The following SMUG1 variants were observed in gnomAD, a reference collection of about 807,000 sequenced individuals.
SMUG1 encodes the protein single-strand selective monofunctional uracil DNA glycosylase.
SMUG1 carries 13 observed loss-of-function variants against 23.9 expected under a neutral mutation model. The ratio of observed to expected loss-of-function variants is 0.54; its 90% CI spans 0.35 to 0.86. The LOEUF is 0.86. Among genes scored for constraint, SMUG1 ranks in the 40% least tolerant of loss-of-function variants. SMUG1 has a pLI of 0.01. For synonymous variants in SMUG1, 133 were observed against 139.8 expected, an observed-to-expected ratio of 0.95 and a Z score of 0.34; for missense variants, 313 against 339.5, an observed-to-expected ratio of 0.92 and a Z score of 0.61.
In SMUG1 at chr12:54,182,153, C is replaced by A; in HGVS notation, c.756G>T (p.Glu252Asp). The change falls in exon 4 of 4, where the codon GAG (glutamate) becomes GAT (aspartate). Residue 252 changes from glutamate (E) to aspartate (D), a missense_variant. Coordinates refer to ENST00000682136, the MANE Select transcript of SMUG1 (RefSeq NM_001243787.2). ...CATTCAATCTTTCCTTGGCCACTGC[C>A]TCCCAGCCCTTGTTGGCCTGTGGGT... ...PRNPQANKGW[E>D]AVAKERLNEL... 1 of 1,590,918 alleles carries A rather than the reference C, an allele frequency of 6.3e-7. No individual in the cohort carries two copies. Among genetic ancestry groups the A allele is most frequent in the South Asian group, 1.1e-5 (1 of 87,596 alleles).
At chr12:54,168,118 T>G (rs567361385) in intron 3 of SMUG1, among the ~76,000 whole-genome samples, 1 of 152,270 alleles carries the variant, frequency 6.6e-6, no homozygotes, top group Admixed American at 6.5e-5. Context: ...AGAGAGATGC[T>G]GTTGTGAGAG....
rs186896912 is a variant in SMUG1 at position 54,182,616 on chromosome 12, A to G, written c.293T>C (p.Phe98Ser). The G allele has an allele frequency of 1.9e-6, 3 of 1,607,618 alleles. No individual in the cohort carries two copies. Among genetic ancestry groups the G allele is most frequent in the Non-Finnish European group, 2.6e-6 (3 of 1,176,292 alleles). ...PFGMAQTGVP[F>S]GEVSMVRDWL... Reference sequence around the variant, plus strand: ...GTCCCGGACCATGCTTACTTCCCCAAAGGGCACCTGTGAGGAAGGAGAGAG... The same window carrying G: ...GTCCCGGACCATGCTTACTTCCCCAGAGGGCACCTGTGAGGAAGGAGAGAG... Residue 98 changes from phenylalanine to serine, a missense_variant, in exon 4 of 4, where the codon TTT becomes TCT. Coordinates refer to ENST00000682136, the MANE Select transcript of SMUG1 (RefSeq NM_001243787.2).
Position 54,182,433 on chromosome 12 carries a change from C to T in SMUG1, c.476G>A (p.Cys159Tyr). Residue 159 changes from cysteine (C) to tyrosine (Y), a missense_variant, in exon 4 of 4, where the codon TGT becomes TAT. Transcript: ENST00000682136. ...CAGAGGGCATAGATTGTGGACAAAA[C>T]AGTGATGGAAGAAGACCTCAGGCTG... ...CGQPEVFFHH[C>Y]FVHNLCPLLF... is the part of the protein sequence containing the mutation. The T allele has an allele frequency of 6.2e-7, 1 of 1,614,168 alleles. No homozygotes were observed. Among genetic ancestry groups the T allele is most frequent in the Non-Finnish European group, 8.5e-7 (1 of 1,180,046 alleles).
chr12:54,170,742 G>A (rs1940594652), intron 3 of SMUG1, among the ~76,000 whole-genome samples: 1 of 152,078 alleles, frequency 6.6e-6, no homozygotes, highest in Non-Finnish European at 1.5e-5. Context: ...GACTACAGGT[G>A]CGTGCCACCA....
intron 2 of SMUG1, among the ~76,000 whole-genome samples, chr12:54,174,800 A>G (rs1940713409): frequency 6.6e-6 from 1 of 152,248 alleles, no homozygotes; most frequent in Non-Finnish European, 1.5e-5. Flanking sequence ...GGGCAGAAGA[A>G]TGGACAAGAT....
chr12:54,167,058 A>G (rs1940490608), intron 3 of SMUG1, among the ~76,000 whole-genome samples: 1 of 152,158 alleles, frequency 6.6e-6, no homozygotes, highest in South Asian at 2.1e-4. Flanking sequence ...CCCCGCTCCA[A>G]GGTCAGGAGA....
At chr12:54,176,915 C>T (rs1940774630), downstream of SMUG1, among the ~76,000 whole-genome samples, 2 of 151,970 alleles carry the variant, frequency 1.3e-5, no homozygotes, top group African/African-American at 4.8e-5. Flanking sequence ...ACCCCAAGCA[C>T]ACCCTTGGTC....
Position 54,181,574 on chromosome 12 carries a change from T to C in SMUG1, c.*522A>G. ...GACTTGCACTCTGTCACACTGGATTTTTCCTCTGATCCAGCTGCAGCCTCC... is the reference window on the plus strand; with the variant it reads ...GACTTGCACTCTGTCACACTGGATTCTTCCTCTGATCCAGCTGCAGCCTCC... On this transcript the variant is annotated 3_prime_UTR_variant, in exon 4 of 4. Transcript: ENST00000682136. 1 of 1,559,546 alleles carries C rather than the reference T, an allele frequency of 6.4e-7. No homozygotes were observed. The highest frequency in any genetic ancestry group is 8.6e-7 in the Non-Finnish European group (1 of 1,159,134).
chr12:54,161,802 C>A (rs1486524939), downstream of SMUG1, among the ~76,000 whole-genome samples: 1 of 152,344 alleles, frequency 6.6e-6, no homozygotes, highest in South Asian at 2.1e-4. The surrounding 1 kb of genome is among the most constrained non-coding windows in gnomAD (Gnocchi z 4.2). Context: ...GGCAGAAAGT[C>A]CCCTGTCAGC....
In SMUG1 at chr12:54,171,458, A is replaced by G. The variant is rs1049531258; in HGVS notation, c.*52+567T>C. Among the ~76,000 whole-genome samples, 3 of 151,070 alleles carry G rather than the reference A, an allele frequency of 2.0e-5. No homozygotes were observed. The South Asian group carries it at 6.3e-4, about 32-fold the overall frequency. On this transcript the variant is annotated intron_variant and NMD_transcript_variant, in intron 3 of 4. Coordinates refer to the SMUG1 transcript ENST00000509864. Reference sequence around the variant, plus strand: ...TGTAATCCCAGCACTTTGGGAGGCCAAGGTGGGCAGATCACGAGGTCAGGA... The same window carrying G: ...TGTAATCCCAGCACTTTGGGAGGCCGAGGTGGGCAGATCACGAGGTCAGGA...
At chr12:54,171,872 G>A (rs112009735) in intron 3 of SMUG1, among the ~76,000 whole-genome samples, 2 of 151,782 alleles carry the variant, frequency 1.3e-5, no homozygotes, top group Admixed American at 1.3e-4. Context: ...GTGGTCACTC[G>A]GGCCAAAAAA....
intron 2 of SMUG1, chr12:54,184,236 C>T (rs963416759): frequency 3.2e-6 from 1 of 312,302 alleles, no homozygotes. Flanking sequence ...AATCTCCTTT[C>T]CATCAGGCAT....
At chr12:54,171,686 C>CAAAAAAA (rs55830557) in intron 3 of SMUG1, among the ~76,000 whole-genome samples, 1 of 69,052 alleles carries the variant, frequency 1.4e-5, no homozygotes, top group Non-Finnish European at 2.6e-5. Context: ...AGTCTTGTCT[C>CAAAAAAA]AAAAAAAAAA....
At chr12:54,172,362 C>T in intron 2 of SMUG1, 1 of 258,342 alleles carries the variant, frequency 3.9e-6, no homozygotes, top group South Asian at 4.0e-5. Context: ...TTCTCTTAGC[C>T]GGGAAACTCT....
At chr12:54,186,205 A>C (rs1375761936) in intron 2 of SMUG1, among the ~76,000 whole-genome samples, 1 of 152,200 alleles carries the variant, frequency 6.6e-6, no homozygotes, top group Non-Finnish European at 1.5e-5. Context: ...CCCATCCTTC[A>C]AAATGCAGCT....
intron 3 of SMUG1, among the ~76,000 whole-genome samples, chr12:54,167,305 C>G (rs567585241): frequency 4.6e-5 from 7 of 152,172 alleles, no homozygotes; most frequent in Non-Finnish European, 8.8e-5. Context: ...GGAGTTAGGA[C>G]AGAAGCTCAT....
Position 54,180,745 on chromosome 12 carries a change from T to C in SMUG1, c.*1351A>G, listed in dbSNP as rs1050566328. 3 of 152,218 alleles carry C rather than the reference T, an allele frequency of 2.0e-5. No homozygotes were observed. Among genetic ancestry groups the C allele is most frequent in the African/African-American group, 7.2e-5 (3 of 41,432 alleles). The allele number at this position is 152,218 out of a possible 1,614,324, so 9.4% of individuals were successfully genotyped here. On this transcript the variant is annotated 3_prime_UTR_variant, in exon 4 of 4. Transcript: ENST00000682136. ...TACATCCAGCCAGGCAGCAGCACTT[T>C]GGGAGGCCAAGACAGGTGGATTACT...
rs1942025481 is a variant in SMUG1 at position 54,185,088 on chromosome 12, C to G, written c.-19-1129G>C. ...CTTTAGGAGGCTGAGGTGGGCAGAT[C>G]ACCTGAGGTCGGGAGTTCGAGACCA... On this transcript the variant is annotated intron_variant, in intron 2 of 3. Coordinates refer to ENST00000682136, the MANE Select transcript of SMUG1 (RefSeq NM_001243787.2). Among the ~76,000 whole-genome samples the G allele has an allele frequency of 2.0e-5, 3 of 152,098 alleles. No individual in the cohort carries two copies. The South Asian group carries it at 6.2e-4, about 32-fold the overall frequency.
Position 54,182,004 on chromosome 12 carries a change from T to C in SMUG1, c.*92A>G. 1 of 1,507,834 alleles carries C rather than the reference T, an allele frequency of 6.6e-7. No homozygotes were observed. Among genetic ancestry groups the C allele is most frequent in the Non-Finnish European group, 8.8e-7 (1 of 1,130,390 alleles). The allele number at this position is 1,507,834 out of a possible 1,614,324, so 93.4% of individuals were successfully genotyped here. A position where few individuals can be genotyped will look rare whatever the true frequency, so the allele number is the denominator to read the frequency against. The stretch of plus-strand genomic sequence containing the variant: ...AGCGACCAGGGTGCACAGAAGGACC[T>C]TTTGCTCCAGTCCAGGAGATGTGTT... On this transcript the variant is annotated 3_prime_UTR_variant, in exon 4 of 4. Coordinates refer to ENST00000682136, the MANE Select transcript of SMUG1 (RefSeq NM_001243787.2).
Sources: gnomAD v4.1 joint callset for allele counts (sites outside exome capture counted in the v4.1 genomes callset) on GRCh38, gnomAD v4.1.1 for gene constraint, Gnocchi (gnomAD v3.1) non-coding constraint, MANE v1.5 for transcripts, NCBI Gene and HGNC (gene_info 2026-07-23, HGNC 2026-07-21) for gene names.